Variants in MBD5 observed in about 807,000 individuals in gnomAD.
The protein encoded by MBD5 is methyl-CpG binding domain protein 5.
In MBD5, 13 loss-of-function variants were observed where a neutral mutation model predicts 117.3. That is an observed-to-expected ratio of 0.11 (90% confidence interval 0.07 to 0.18). The LOEUF is 0.18. Among genes scored for constraint, MBD5 ranks in the 10% least tolerant of loss-of-function variants. MBD5 has a pLI of 1.00. For missense variants in MBD5, 1,879 were observed against 2,093.8 expected (o/e 0.90, Z 2.00); for synonymous variants, 727 against 766.4 (o/e 0.95, Z 0.85).
chr2:148,441,496 A>G (rs925721844), intron 4 of MBD5, among the ~76,000 whole-genome samples: 9 of 152,128 alleles, frequency 5.9e-5, no homozygotes, highest in Non-Finnish European at 1.3e-4. Context: ...TTCTTAATCC[A>G]GTCTATCATT....
chr2:148,112,321 C>T (rs1437099120), intron 1 of MBD5, among the ~76,000 whole-genome samples: 2 of 152,158 alleles, frequency 1.3e-5, no homozygotes, highest in African/African-American at 2.4e-5. Context: ...AAGGAATCTC[C>T]TCAGCATATG....
intron 1 of MBD5, among the ~76,000 whole-genome samples, chr2:148,072,777 C>A (rs532715440): frequency 7.2e-5 from 11 of 152,028 alleles, no homozygotes. Flanking sequence ...TTTTCATGTC[C>A]TAGGAAGGCT....
chr2:148,077,598 A>T (rs537633177), intron 1 of MBD5, among the ~76,000 whole-genome samples: 2 of 152,284 alleles, frequency 1.3e-5, no homozygotes, highest in South Asian at 4.1e-4. Context: ...TATAGAATGT[A>T]AAAACAATAT....
chr2:148,237,241 A>C (rs1700110042), intron 3 of MBD5, among the ~76,000 whole-genome samples: 3 of 152,204 alleles, frequency 2.0e-5, no homozygotes, highest in Non-Finnish European at 4.4e-5. Flanking sequence ...AATTTGCTTC[A>C]AGAGCTTTTC....
chr2:148,210,454 T>A (rs570039716), intron 2 of MBD5, among the ~76,000 whole-genome samples: 57 of 152,156 alleles, frequency 3.7e-4, no homozygotes, highest in African/African-American at 1.3e-3. Context: ...ATTACACAGA[T>A]CCAATTATAT....
intron 1 of MBD5, among the ~76,000 whole-genome samples, chr2:148,038,062 CTT>C (rs986677018): frequency 5.9e-5 from 9 of 151,864 alleles, no homozygotes; most frequent in African/African-American, 1.9e-4. Flanking sequence ...GAAAAGGTCT[CTT>C]ATCCAAGGTT....
intron 4 of MBD5, chr2:148,393,346 A>T (rs1183775960): frequency 6.6e-6 from 1 of 152,136 alleles, no homozygotes; most frequent in Admixed American, 6.5e-5. Context: ...GAAATAAATC[A>T]CCTCCAACAG....
At position 148,502,514 on chromosome 2, in the gene MBD5, G is replaced by A; in HGVS notation, c.5036+5G>A. ...TGTCCGGAAAAGGAACAGAAAGTAAGCACTTTTCCAAAATTTTACTTTGTT... is the reference window on the plus strand; with the variant it reads ...TGTCCGGAAAAGGAACAGAAAGTAAACACTTTTCCAAAATTTTACTTTGTT... On this transcript the variant is annotated splice_donor_5th_base_variant and intron_variant, in intron 12 of 13. Coordinates refer to ENST00000642680, the MANE Select transcript of MBD5 (RefSeq NM_001378120.1). The A allele has an allele frequency of 6.2e-7, 1 of 1,613,626 alleles. No individual in the cohort carries two copies. Among genetic ancestry groups the A allele is most frequent in the Non-Finnish European group, 8.5e-7 (1 of 1,179,702 alleles).
At position 148,469,350 on chromosome 2, in the gene MBD5, T is replaced by C. The variant is rs1365232702; in HGVS notation, c.1407T>C (p.His469=). ...RSRSSSTSSD[H]GNFMMPPVGP... is the part of the protein sequence containing the mutation. The stretch of plus-strand genomic sequence containing the variant: ...GCTCATCTTCCACATCATCAGATCA[T>C]GGAAATTTCATGATGCCACCTGTAG... Residue 469 remains histidine, a synonymous_variant, in exon 8 of 14, where the codon CAT becomes CAC. Coordinates refer to ENST00000642680, the MANE Select transcript of MBD5 (RefSeq NM_001378120.1). 1 of 1,613,686 alleles carries C rather than the reference T, an allele frequency of 6.2e-7. No homozygotes were observed. Among genetic ancestry groups the C allele is most frequent in the South Asian group, 1.1e-5 (1 of 91,062 alleles).
At chr2:148,351,092 C>T (rs1703237450) in intron 4 of MBD5, among the ~76,000 whole-genome samples, 1 of 152,032 alleles carries the variant, frequency 6.6e-6, no homozygotes, top group Admixed American at 6.6e-5. Flanking sequence ...ATATTCATCA[C>T]ATATAATAAC....
intron 3 of MBD5, among the ~76,000 whole-genome samples, chr2:148,334,622 T>A (rs932943292): frequency 5.9e-5 from 9 of 152,172 alleles, no homozygotes; most frequent in Admixed American, 5.9e-4. Flanking sequence ...ACATTACCAT[T>A]GTGCCCAGCC....
At chr2:148,172,632 G>GA (rs1315703500) in intron 1 of MBD5, among the ~76,000 whole-genome samples, 2 of 152,162 alleles carry the variant, frequency 1.3e-5, no homozygotes, top group Admixed American at 6.5e-5. Context: ...TCAGACTAAG[G>GA]ACAGCCTGAA....
chr2:148,132,331 C>CATATAT (rs59188623), intron 1 of MBD5, among the ~76,000 whole-genome samples: 2 of 144,626 alleles, frequency 1.4e-5, no homozygotes, highest in African/African-American at 2.5e-5. Flanking sequence ...TATATATATA[C>CATATAT]ATATATATAT....
intron 3 of MBD5, among the ~76,000 whole-genome samples, chr2:148,247,454 G>T (rs1284639398): frequency 6.6e-6 from 1 of 152,040 alleles, no homozygotes; most frequent in East Asian, 1.9e-4. Flanking sequence ...CTTTAAATAA[G>T]TTACCATGGG....
At position 148,077,702 on chromosome 2, in the gene MBD5, G is replaced by A. The variant is rs1485050943; in HGVS notation, c.-925+56018G>A. On this transcript the variant is annotated intron_variant, in intron 1 of 13. Transcript: ENST00000642680. Reference sequence around the variant, plus strand: ...CTCAAATTCATAATAGAGGAGGAGGGTATTTTGATTCAGACTGAGAGGAGT... The same window carrying A: ...CTCAAATTCATAATAGAGGAGGAGGATATTTTGATTCAGACTGAGAGGAGT... 2.0e-5 allele frequency among the ~76,000 whole-genome samples: 3 copies of A among 152,118 alleles called. No homozygotes were observed. The East Asian group carries it at 5.8e-4, about 29-fold the overall frequency.
At chr2:148,047,897 A>C (rs1417462858) in intron 1 of MBD5, among the ~76,000 whole-genome samples, 1 of 152,182 alleles carries the variant, frequency 6.6e-6, no homozygotes, top group Admixed American at 6.5e-5. Flanking sequence ...AAGCAGCAAA[A>C]CTAGAGAAAC....
chr2:148,216,064 T>G (rs756072147), intron 2 of MBD5, among the ~76,000 whole-genome samples: 7 of 152,150 alleles, frequency 4.6e-5, no homozygotes, highest in Non-Finnish European at 8.8e-5. Context: ...TTGGCAAGCT[T>G]ATACAAAAAG....
At chr2:148,290,614 G>A (rs1473694214) in intron 3 of MBD5, among the ~76,000 whole-genome samples, 3 of 151,846 alleles carry the variant, frequency 2.0e-5, no homozygotes, top group Admixed American at 6.6e-5. Context: ...GCTCTTCCCC[G>A]CTCATTATTT....
At chr2:148,072,097 C>G (rs1177088141) in intron 1 of MBD5, 2 of 152,048 alleles carry the variant, frequency 1.3e-5, no homozygotes, top group African/African-American at 4.8e-5. Context: ...GTTTATTCAC[C>G]TAGAGAATTC....
Sources: gnomAD v4.1 joint callset for allele counts (sites outside exome capture counted in the v4.1 genomes callset) on GRCh38, gnomAD v4.1.1 for gene constraint, MANE v1.5 for transcripts, NCBI Gene and HGNC (gene_info 2026-07-23, HGNC 2026-07-21) for gene names.